CRNKL1: variants seen among roughly 807,000 people sequenced by gnomAD.
CRNKL1 encodes the protein crooked neck-like protein 1.
Under a neutral mutation model 103.7 loss-of-function variants are expected in CRNKL1, and 35 were observed. The observed-to-expected ratio is 0.34, with a 90% CI of 0.26 to 0.45. The LOEUF is 0.45. Among genes scored for constraint, CRNKL1 ranks in the 20% least tolerant of loss-of-function variants. The pLI is 1.00. For missense variants in CRNKL1, 645 were observed against 836.0 expected (o/e 0.77, Z 2.82); for synonymous variants, 267 against 282.6 (o/e 0.94, Z 0.55).
rs2146480895 is a variant in CRNKL1 at position 20,037,350 on chromosome 20, C to G, written c.1869G>C (p.Lys623Asn). ...VDKLMPEKVK[K>N]RRKVQTDDGS... ...CATCATCAGTCTGGACCTTTCTTCT[C>G]TTCTTGACTTTCTCTGGCATGAGTT... Residue 623 changes from lysine (K) to asparagine (N), a missense_variant, in exon 13 of 14, where the codon AAG becomes AAC. Physicochemically the swap from Lys to Asn is moderately conservative, Grantham distance 94. Coordinates refer to ENST00000536226, the MANE Select transcript of CRNKL1 (RefSeq NM_001278628.2). The G allele has an allele frequency of 1.2e-6, 2 of 1,614,138 alleles. No homozygotes were observed. Among genetic ancestry groups the G allele is most frequent in the East Asian group, 4.5e-5 (2 of 44,878 alleles).
In CRNKL1 at chr20:20,050,627, T is replaced by C. The variant is rs376221766; in HGVS notation, c.52-5A>G. 2 of 1,592,870 alleles carry C rather than the reference T, an allele frequency of 1.3e-6. No homozygotes were observed. Among genetic ancestry groups the C allele is most frequent in the Admixed American group, 3.7e-5 (2 of 54,292 alleles). On this transcript the variant is annotated splice_polypyrimidine_tract_variant and splice_region_variant and intron_variant, in intron 1 of 13. Coordinates refer to ENST00000536226, the MANE Select transcript of CRNKL1 (RefSeq NM_001278628.2). Reference sequence around the variant, plus strand: ...AGCCGGGGCTTTGTTTTTCACCTTTTAAGAAAGAAGACATTTCTATTTTTA... The same window carrying C: ...AGCCGGGGCTTTGTTTTTCACCTTTCAAGAAAGAAGACATTTCTATTTTTA...
In CRNKL1 at chr20:20,043,668, T is replaced by A. The variant is rs763287636; in HGVS notation, c.802-6A>T. The A allele has an allele frequency of 6.2e-7, 1 of 1,610,476 alleles. No homozygotes were observed. Among genetic ancestry groups the A allele is most frequent in the Admixed American group, 1.7e-5 (1 of 59,954 alleles). On this transcript the variant is annotated splice_region_variant and splice_polypyrimidine_tract_variant and intron_variant, in intron 6 of 13. Transcript: ENST00000536226. ...ATCACTCGTACCCTTTCAAACTAAA[T>A]GCAGACAGGATGATTACCTTCTATA... is the stretch of plus-strand genomic sequence containing the variant.
chr20:20,048,295 G>A (rs564030816), intron 4 of CRNKL1, 48 bp downstream of exon 4: 2 of 1,589,766 alleles, frequency 1.3e-6, no homozygotes, highest in Middle Eastern at 1.7e-4. Flanking sequence ...AGAAGATGTG[G>A]AACTTTGCTA....
chr20:20,037,475 G>A lies in CRNKL1; in HGVS notation c.1744C>T (p.Arg582Ter). 2.5e-6 allele frequency: 4 copies of A among 1,614,036 alleles called. No homozygotes were observed. Among genetic ancestry groups the A allele is most frequent in the East Asian group, 2.2e-5 (1 of 44,870 alleles). ...CTCTCTTCCTTTTCTTCACAGTTTC[G>A]CATGGTTTTGTTAGCTTCTTCATAA... The part of the protein sequence containing the change: ...QIYEEANKTM[R>*]NCEEKEERLM... The change falls in exon 13 of 14, where the codon CGA (arginine) becomes TGA (stop). Residue 582 changes from arginine to a stop codon, truncating the protein, a stop_gained. Transcript: ENST00000536226. LOFTEE classifies it high-confidence loss of function.
chr20:20,055,340 A>G (rs1259702918), upstream of CRNKL1, among the ~76,000 whole-genome samples: 1 of 152,206 alleles, frequency 6.6e-6, no homozygotes, highest in East Asian at 1.9e-4. Flanking sequence ...ACTTCTCAGC[A>G]GTATTTTTGC....
At chr20:20,041,496 T>G in intron 9 of CRNKL1, 70 bp downstream of exon 9, 1 of 1,194,130 alleles carries the variant, frequency 8.4e-7, no homozygotes, top group African/African-American at 1.5e-5. Flanking sequence ...ATTATTTCAC[T>G]GAATTACTTC....
In CRNKL1 at chr20:20,052,428, T is replaced by C. The variant is rs2043791296; in HGVS notation, c.-86A>G. Reference sequence around the variant, plus strand: ...AGAGCTCACCGAAACCACAAAGCTTTCAGAAAACAAACAGGATCTCGGAAC... The same window carrying C: ...AGAGCTCACCGAAACCACAAAGCTTCCAGAAAACAAACAGGATCTCGGAAC... On this transcript the variant is annotated 5_prime_UTR_variant, in exon 1 of 14. Transcript: ENST00000536226. 2 of 1,614,116 alleles carry C rather than the reference T, an allele frequency of 1.2e-6. No homozygotes were observed. Among genetic ancestry groups the C allele is most frequent in the South Asian group, 2.2e-5 (2 of 91,080 alleles).
At chr20:20,044,351 G>A (rs1289944461) in intron 6 of CRNKL1, among the ~76,000 whole-genome samples, 10 of 152,176 alleles carry the variant, frequency 6.6e-5, no homozygotes, top group Non-Finnish European at 1.5e-4. Flanking sequence ...GTCCGTGCAA[G>A]ACCTTATATA....
chr20:20,053,649 G>T (rs1452958542), upstream of CRNKL1, among the ~76,000 whole-genome samples: 3 of 152,126 alleles, frequency 2.0e-5, no homozygotes, highest in Non-Finnish European at 4.4e-5. Context: ...GATTTATGCA[G>T]ATTTCTAGAA....
upstream of CRNKL1, chr20:20,052,604 G>T: frequency 6.2e-7 from 1 of 1,613,744 alleles, no homozygotes; most frequent in Non-Finnish European, 8.5e-7. Context: ...GGGTAACGCC[G>T]TGCTGACTAG....
In CRNKL1 at chr20:20,034,644, A is replaced by AGAT. The variant is rs751896237; in HGVS notation, c.*1548_*1550dup. On this transcript the variant is annotated 3_prime_UTR_variant, in exon 14 of 14. Transcript: ENST00000536226. ...ACTCTGGGTGAGCCAAAGGCTATTA[A>AGAT]GATGATGTTCTCCTGCTCACTCACT... 3 of 152,358 alleles carry AGAT rather than the reference A, an allele frequency of 2.0e-5. No homozygotes were observed. The highest frequency in any genetic ancestry group is 4.4e-5 in the Non-Finnish European group (3 of 68,042). The allele number at this position is 152,358 out of a possible 1,614,324, so 9.4% of individuals were successfully genotyped here.
At chr20:20,052,731 G>A (rs1229543825), upstream of CRNKL1, 2 of 1,594,122 alleles carry the variant, frequency 1.3e-6, no homozygotes, top group African/African-American at 2.7e-5. Flanking sequence ...CCCTGCAAGG[G>A]AGTAAGAACG....
chr20:20,045,912 A>C (rs551694008), intron 5 of CRNKL1, among the ~76,000 whole-genome samples: 1 of 152,352 alleles, frequency 6.6e-6, no homozygotes, highest in African/African-American at 2.4e-5. Context: ...CACAGTTTCT[A>C]GCCAAAAGAA....
intron 11 of CRNKL1, 81 bp from the exon 12 acceptor site, chr20:20,038,531 T>C: frequency 1.3e-6 from 1 of 748,258 alleles, no homozygotes; most frequent in Non-Finnish European, 2.3e-6. Flanking sequence ...GAAGTATCAC[T>C]CTAACCTACA....
chr20:20,052,693 G>A (rs868425837), upstream of CRNKL1: 31 of 1,612,668 alleles, frequency 1.9e-5, 1 homozygote, highest in Middle Eastern at 5.0e-3. Context: ...GACCAGGCGA[G>A]GACGAGTGGC....
rs2043442787 is a variant in CRNKL1 at position 20,037,640 on chromosome 20, A to G, written c.1648-69T>C. 4 of 1,474,288 alleles carry G rather than the reference A, an allele frequency of 2.7e-6. No homozygotes were observed. The South Asian group carries it at 3.8e-5, about 14-fold the overall frequency. 91.3% of individuals were successfully genotyped at this position (1,474,288 alleles called of 1,614,324 possible). A position where few individuals can be genotyped will look rare whatever the true frequency, so the allele number is the denominator to read the frequency against. On this transcript the variant is annotated intron_variant, in intron 12 of 13. Transcript: ENST00000536226. ...AGAAGATAATAATGTAGTAATAATA[A>G]AGCGAATTCCCAGTTAATGACATCG...
chr20:20,053,938 C>G (rs188169947), upstream of CRNKL1, among the ~76,000 whole-genome samples: 158 of 150,660 alleles, frequency 1.0e-3, 2 homozygotes, highest in Admixed American at 0.01. Context: ...TACTTTGCTT[C>G]TGATCACCAT....
At chr20:20,037,097 C>T (rs1568755649) in intron 13 of CRNKL1, among the ~76,000 whole-genome samples, 1 of 152,160 alleles carries the variant, frequency 6.6e-6, no homozygotes, top group East Asian at 1.9e-4. Context: ...CAGACTCAAC[C>T]ATCACCAAAA....
intron 6 of CRNKL1, among the ~76,000 whole-genome samples, chr20:20,044,050 T>A (rs910048741): frequency 6.6e-6 from 1 of 152,158 alleles, no homozygotes; most frequent in African/African-American, 2.4e-5. Flanking sequence ...TCCTCTTTTT[T>A]CCTCATACTC....
Sources: allele counts gnomAD v4.1 joint callset (sites outside exome capture counted in the v4.1 genomes callset), GRCh38; gene constraint gnomAD v4.1.1; transcripts MANE v1.5; gene names NCBI Gene and HGNC (gene_info 2026-07-23, HGNC 2026-07-21).